COX7B2: variants seen among roughly 807,000 people sequenced by gnomAD.
COX7B2 encodes the protein cytochrome c oxidase subunit 7B2, also known as cytochrome c oxidase subunit 7B2, mitochondrial.
For synonymous variants in COX7B2, 37 were observed against 32.1 expected, an observed-to-expected ratio of 1.15 and a Z score of -0.51; for missense variants, 109 against 95.9, an observed-to-expected ratio of 1.14 and a Z score of -0.57.
chr4:46,837,312 C>A (rs1435050064), intron 2 of COX7B2, among the ~76,000 whole-genome samples: 1 of 147,914 alleles, frequency 6.8e-6, no homozygotes, highest in Non-Finnish European at 1.5e-5. Flanking sequence ...CACACACACA[C>A]ACAGAGGAAT....
intron 2 of COX7B2, among the ~76,000 whole-genome samples, chr4:46,782,982 T>G (rs1717564025): frequency 6.6e-6 from 1 of 152,176 alleles, no homozygotes; most frequent in South Asian, 2.1e-4. Flanking sequence ...ATTCCGGACA[T>G]AATACTATAT....
chr4:46,888,876 G>T (rs1016595367), intron 1 of COX7B2, among the ~76,000 whole-genome samples: 1 of 151,966 alleles, frequency 6.6e-6, no homozygotes, highest in Non-Finnish European at 1.5e-5. Flanking sequence ...CACAAAACAC[G>T]CACCAACAGA....
intron 2 of COX7B2, among the ~76,000 whole-genome samples, chr4:46,811,365 T>C (rs1719276195): frequency 6.6e-6 from 1 of 151,986 alleles, no homozygotes. Context: ...CTTTGAGTCA[T>C]GTCAAAAGAC....
Position 46,889,053 on chromosome 4 carries a change from G to A in COX7B2, c.-105+20107C>T, listed in dbSNP as rs542193122. Among the ~76,000 whole-genome samples the A allele has an allele frequency of 9.9e-5, 15 of 152,252 alleles. No individual in the cohort carries two copies. The South Asian group carries it at 3.1e-3, about 32-fold the overall frequency. On this transcript the variant is annotated intron_variant, in intron 1 of 2. Coordinates refer to ENST00000355591, the MANE Select transcript of COX7B2 (RefSeq NM_130902.3). The stretch of plus-strand genomic sequence containing the variant: ...CCATTTTCCATGATGTGAGTATTAT[G>A]CATTGCATGCCTGTATCAAAACATC...
Position 46,756,922 on chromosome 4 carries a change from A to G in COX7B2, c.-49-21681T>C, listed in dbSNP as rs545825381. On this transcript the variant is annotated intron_variant, in intron 2 of 2. Coordinates refer to ENST00000355591, the MANE Select transcript of COX7B2 (RefSeq NM_130902.3). ...AATAGAACTACCATTCAATCCAGCA[A>G]TCCAACTACTGGGTATATACCCAAA... Among the ~76,000 whole-genome samples, 186 of 152,198 alleles carry G rather than the reference A, an allele frequency of 1.2e-3. 1 individual carries two copies. Among genetic ancestry groups the G allele is most frequent in the African/African-American group, 4.2e-3 (176 of 41,544 alleles).
chr4:46,816,097 A>G (rs1194954546), intron 2 of COX7B2, among the ~76,000 whole-genome samples: 1 of 152,190 alleles, frequency 6.6e-6, no homozygotes, highest in Non-Finnish European at 1.5e-5. Flanking sequence ...ACATATAAAT[A>G]TATACTGAGT....
chr4:46,812,607 G>C (rs1223048218), intron 2 of COX7B2, among the ~76,000 whole-genome samples: 1 of 152,134 alleles, frequency 6.6e-6, no homozygotes, highest in African/African-American at 2.4e-5. Context: ...AGGGGACAGG[G>C]AGCAGTACAG....
intron 2 of COX7B2, among the ~76,000 whole-genome samples, chr4:46,832,814 G>A (rs565427740): frequency 3.3e-5 from 5 of 151,924 alleles, no homozygotes; most frequent in Middle Eastern, 3.2e-3. Flanking sequence ...GCTCCCCTTC[G>A]CCTTCTGCCA....
At chr4:46,846,508 G>T (rs146779520) in intron 1 of COX7B2, among the ~76,000 whole-genome samples, 61 of 152,116 alleles carry the variant, frequency 4.0e-4, no homozygotes, top group African/African-American at 1.4e-3. Flanking sequence ...CATATCAAAG[G>T]CCATGAGGGA....
At chr4:46,750,546 A>C (rs1474925674) in intron 2 of COX7B2, among the ~76,000 whole-genome samples, 1 of 152,122 alleles carries the variant, frequency 6.6e-6, no homozygotes, top group Non-Finnish European at 1.5e-5. Context: ...AAAATGGTGG[A>C]AAGGTCAATT....
At chr4:46,878,238 G>A (rs1577688244) in intron 1 of COX7B2, among the ~76,000 whole-genome samples, 1 of 152,010 alleles carries the variant, frequency 6.6e-6, no homozygotes, top group Non-Finnish European at 1.5e-5. Flanking sequence ...TGGTTACCAG[G>A]GGTGAGGAGG....
intron 1 of COX7B2, among the ~76,000 whole-genome samples, chr4:46,888,478 C>G (rs1160494204): frequency 6.7e-6 from 1 of 149,222 alleles, no homozygotes; most frequent in Non-Finnish European, 1.5e-5. Context: ...GAGTCTTGAT[C>G]TGTTGCCCAG....
chr4:46,789,758 C>T (rs1717940449), intron 2 of COX7B2, among the ~76,000 whole-genome samples: 1 of 151,656 alleles, frequency 6.6e-6, no homozygotes. Flanking sequence ...ATTTATTTTC[C>T]TCTGTAAATC....
chr4:46,902,244 A>G (rs190893313), intron 1 of COX7B2, among the ~76,000 whole-genome samples: 275 of 152,272 alleles, frequency 1.8e-3, no homozygotes, highest in African/African-American at 6.2e-3. Flanking sequence ...AAAGGAGGAC[A>G]ATGTTCTAGT....
At chr4:46,904,583 T>G (rs1720263975) in intron 1 of COX7B2, among the ~76,000 whole-genome samples, 1 of 152,146 alleles carries the variant, frequency 6.6e-6, no homozygotes, top group Non-Finnish European at 1.5e-5. Context: ...TCTCACACCA[T>G]AAGAAGAATG....
chr4:46,830,130 C>A (rs1373123612), intron 2 of COX7B2, among the ~76,000 whole-genome samples: 1 of 151,966 alleles, frequency 6.6e-6, no homozygotes, highest in Non-Finnish European at 1.5e-5. Context: ...TCGAGACCAG[C>A]CTGGCCAACA....
intron 1 of COX7B2, among the ~76,000 whole-genome samples, chr4:46,882,493 A>G (rs1421932165): frequency 6.6e-6 from 1 of 152,206 alleles, no homozygotes; most frequent in African/African-American, 2.4e-5. Context: ...GCATGCATAC[A>G]TATTTAGCAT....
Position 46,836,362 on chromosome 4 carries a change from T to A in COX7B2, c.-50+8598A>T, listed in dbSNP as rs137949731. On this transcript the variant is annotated intron_variant, in intron 2 of 2. Transcript: ENST00000355591. ...TTTCTCTATTTAAAAAATTTTTTTT[T>A]TATATTTTTTTAAAGTAGTTAAAAT... Among the ~76,000 whole-genome samples the A allele has an allele frequency of 6.3e-3, 963 of 152,070 alleles. 6 individuals are homozygous for A. Among genetic ancestry groups the A allele is most frequent in the Middle Eastern group, 0.017 (5 of 292 alleles).
chr4:46,821,906 TTTTGTTTG>T (rs200278172), intron 2 of COX7B2, among the ~76,000 whole-genome samples: 4 of 152,056 alleles, frequency 2.6e-5, no homozygotes, highest in African/African-American at 9.6e-5. Context: ...TTTTTGTTTG[TTTTGTTTG>T]TTTGTTTGTT....
Sources: allele counts gnomAD v4.1 joint callset (sites outside exome capture counted in the v4.1 genomes callset), GRCh38; gene constraint gnomAD v4.1.1; transcripts MANE v1.5; gene names NCBI Gene and HGNC (gene_info 2026-07-23, HGNC 2026-07-21).